The following RYR2 variants were observed in gnomAD, a reference collection of about 807,000 sequenced individuals.
RYR2 encodes ryanodine receptor 2.
RYR2 carries 227 observed loss-of-function variants against 601.1 expected under a neutral mutation model. The ratio of observed to expected loss-of-function variants is 0.38; its 90% CI spans 0.34 to 0.42. The LOEUF is 0.42. Ranked by LOEUF, RYR2 falls within the 10% of genes least tolerant of loss-of-function variation. RYR2 has a pLI of 1.00. For missense variants in RYR2, 4,646 were observed against 6,156.5 expected (o/e 0.75, Z 8.21); for synonymous variants, 2,223 against 2,175.1 (o/e 1.02, Z -0.61).
chr1:237,340,028 G>T (rs1045560648), intron 3 of RYR2, among the ~76,000 whole-genome samples: 19 of 152,156 alleles, frequency 1.2e-4, no homozygotes, highest in African/African-American at 4.6e-4. Flanking sequence ...GGAGAAGGAA[G>T]AGAACTGCAT....
chr1:237,125,979 A>G (rs897699556), intron 1 of RYR2, among the ~76,000 whole-genome samples: 9 of 152,206 alleles, frequency 5.9e-5, no homozygotes, highest in Non-Finnish European at 1.2e-4. Context: ...GCTCACGCCT[A>G]TAATCCCAAC....
Position 237,107,356 on chromosome 1 carries a change from C to T in RYR2, c.48+64787C>T, listed in dbSNP as rs1330243158. Among the ~76,000 whole-genome samples the T allele has an allele frequency of 2.0e-5, 3 of 151,030 alleles. No homozygotes were observed. In the East Asian group the frequency reaches 5.9e-4, roughly 30 times the overall value. Reference sequence around the variant, plus strand: ...CTAACACGGTGAAACCCCGTCTCTACTAAAAATACAAAAAATTAGCTGGAC... The same window carrying T: ...CTAACACGGTGAAACCCCGTCTCTATTAAAAATACAAAAAATTAGCTGGAC... On this transcript the variant is annotated intron_variant, in intron 1 of 104. Coordinates refer to ENST00000366574, the MANE Select transcript of RYR2 (RefSeq NM_001035.3).
intron 24 of RYR2, among the ~76,000 whole-genome samples, chr1:237,516,483 TGCAAGC>T (rs1666561892): frequency 6.6e-6 from 1 of 152,154 alleles, no homozygotes; most frequent in Admixed American, 6.5e-5. Flanking sequence ...CTTCTCAGTG[TGCAAGC>T]TCTCTGAAGG....
intron 61 of RYR2, among the ~76,000 whole-genome samples, chr1:237,679,636 T>C (rs764065243): frequency 6.6e-6 from 1 of 152,188 alleles, no homozygotes; most frequent in Non-Finnish European, 1.5e-5. Context: ...TTTCTTGTTT[T>C]TGTGTAACTC....
At chr1:237,248,275 C>T (rs1487687807) in intron 1 of RYR2, among the ~76,000 whole-genome samples, 1 of 8,854 alleles carries the variant, frequency 1.1e-4, no homozygotes, top group Non-Finnish European at 3.2e-4. Flanking sequence ...CCACCCCCCG[C>T]AACCCCGCCC....
chr1:237,797,783 ATCT>A (rs1324015626), intron 96 of RYR2, among the ~76,000 whole-genome samples: 2 of 152,142 alleles, frequency 1.3e-5, no homozygotes, highest in African/African-American at 2.4e-5. Flanking sequence ...TCAGCTCATC[ATCT>A]TCTTTGGTAT....
chr1:237,090,553 G>A (rs918342472), intron 1 of RYR2, among the ~76,000 whole-genome samples: 1 of 152,300 alleles, frequency 6.6e-6, no homozygotes. Context: ...TACTTTAGAT[G>A]TCTGACCTCC....
chr1:237,308,579 CAG>C (rs1297063073), intron 2 of RYR2, among the ~76,000 whole-genome samples: 16 of 152,112 alleles, frequency 1.1e-4, no homozygotes, highest in African/African-American at 3.9e-4. Context: ...GTGGTGTGTC[CAG>C]AGTTTGTTCT....
At chr1:237,473,431 C>CTCTT (rs58358151) in intron 17 of RYR2, among the ~76,000 whole-genome samples, 2,121 of 115,872 alleles carry the variant, frequency 0.018, 65 homozygotes, top group African/African-American at 0.037. Flanking sequence ...CTCTCTCTCT[C>CTCTT]TCTTTCTTTC....
intron 25 of RYR2, 62 bp downstream of exon 25, chr1:237,530,572 C>A: frequency 1.7e-6 from 2 of 1,209,628 alleles, no homozygotes; most frequent in Non-Finnish European, 2.4e-6. Context: ...AACCAAATAA[C>A]TCTTGATGGA....
chr1:237,714,889 G>A (rs899776607), intron 71 of RYR2, among the ~76,000 whole-genome samples: 2 of 149,510 alleles, frequency 1.3e-5, no homozygotes, highest in African/African-American at 4.9e-5. Flanking sequence ...AGCTACTTGG[G>A]AGGCTGAGGC....
chr1:237,284,683 T>TACACAC (rs71180018), intron 2 of RYR2, among the ~76,000 whole-genome samples: 16 of 143,556 alleles, frequency 1.1e-4, no homozygotes, highest in South Asian at 2.2e-4. Context: ...TATATATATG[T>TACACAC]ACACACACAC....
At chr1:237,635,219 T>C (rs1430745647) in intron 44 of RYR2, among the ~76,000 whole-genome samples, 2 of 152,312 alleles carry the variant, frequency 1.3e-5, no homozygotes, top group South Asian at 2.1e-4. Context: ...ATATATTACA[T>C]TGTATATAAT....
chr1:237,484,845 G>A (rs929733650), intron 17 of RYR2, among the ~76,000 whole-genome samples: 2 of 152,106 alleles, frequency 1.3e-5, no homozygotes, highest in African/African-American at 4.8e-5. Flanking sequence ...ACCCATCACA[G>A]CACTTGGCCA....
chr1:237,139,664 T>C lies in RYR2; in HGVS notation c.48+97095T>C, dbSNP rs138368312. ...AGGTACTTGGTGTCTATCTCATGGG[T>C]TCCTTTTCTTCTACACTGTTTATGA... On this transcript the variant is annotated intron_variant, in intron 1 of 104. Transcript: ENST00000366574. Among the ~76,000 whole-genome samples, 5 of 152,274 alleles carry C rather than the reference T, an allele frequency of 3.3e-5. No homozygotes were observed. In the East Asian group the frequency reaches 9.6e-4, roughly 29 times the overall value.
chr1:237,437,676 G>A (rs556309990), intron 12 of RYR2, among the ~76,000 whole-genome samples: 1 of 152,318 alleles, frequency 6.6e-6, no homozygotes, highest in African/African-American at 2.4e-5. Flanking sequence ...CATGCTATGA[G>A]AGTACATGAA....
At chr1:237,829,338 T>C (rs1663514351) in intron 102 of RYR2, among the ~76,000 whole-genome samples, 1 of 152,164 alleles carries the variant, frequency 6.6e-6, no homozygotes, top group African/African-American at 2.4e-5. Flanking sequence ...TCTGAAGCTT[T>C]TGCTAGAGGT....
intron 84 of RYR2, among the ~76,000 whole-genome samples, chr1:237,764,019 C>T (rs1693642033): frequency 6.6e-6 from 1 of 152,226 alleles, no homozygotes; most frequent in Admixed American, 6.5e-5. Flanking sequence ...GGGCTTAGCA[C>T]TGAGAAAATA....
Position 237,706,938 on chromosome 1 carries a change from T to C in RYR2, c.9581-11T>C, listed in dbSNP as rs1236023386. The C allele has an allele frequency of 6.2e-7, 1 of 1,602,198 alleles. No individual in the cohort carries two copies. Among genetic ancestry groups the C allele is most frequent in the Admixed American group, 1.7e-5 (1 of 59,954 alleles). The stretch of plus-strand genomic sequence containing the variant: ...TTTGAATATCATCCATTTTTATATG[T>C]ACTTCTCCAGCTCTCAGTTTGCCAA... On this transcript the variant is annotated splice_polypyrimidine_tract_variant and intron_variant, in intron 67 of 104. Transcript: ENST00000366574.
Sources: allele counts gnomAD v4.1 joint callset (sites outside exome capture counted in the v4.1 genomes callset), GRCh38; gene constraint gnomAD v4.1.1; transcripts MANE v1.5; gene names NCBI Gene and HGNC (gene_info 2026-07-23, HGNC 2026-07-21).